Variants in CAPN8 observed in about 807,000 individuals in gnomAD.
The protein encoded by CAPN8 is calpain-8.
In CAPN8, 87 loss-of-function variants were observed where a neutral mutation model predicts 80.9. That is an observed-to-expected ratio of 1.07 (90% CI 0.90 to 1.28). The LOEUF (loss-of-function observed/expected upper bound fraction) is 1.28, where lower values mean the gene tolerates loss of function less well. Among genes scored for constraint, CAPN8 ranks in the 50% most tolerant of loss-of-function variants. The pLI is 0.00. For synonymous variants in CAPN8, 299 were observed against 273.8 expected, an observed-to-expected ratio of 1.09 and a Z score of -0.91; for missense variants, 757 against 702.0, an observed-to-expected ratio of 1.08 and a Z score of -0.89.
chr1:223,654,277 A>G, intron 2 of CAPN8, 53 bp downstream of exon 2: 1 of 1,451,740 alleles, frequency 6.9e-7, no homozygotes, highest in Non-Finnish European at 9.5e-7. Flanking sequence ...TACTCATGAC[A>G]CATACACACC....
intron 2 of CAPN8, among the ~76,000 whole-genome samples, chr1:223,629,760 C>T (rs1187356494): frequency 6.6e-6 from 1 of 152,230 alleles, no homozygotes; most frequent in East Asian, 1.9e-4. Context: ...TTGCATCTTT[C>T]TGGCCTGGTA....
At chr1:223,556,355 A>C (rs1228017606) in intron 13 of CAPN8, among the ~76,000 whole-genome samples, 1 of 152,122 alleles carries the variant, frequency 6.6e-6, no homozygotes, top group Non-Finnish European at 1.5e-5. Context: ...TAAAGAGAAA[A>C]AGCAGGGTCT....
intron 2 of CAPN8, among the ~76,000 whole-genome samples, chr1:223,637,686 C>T (rs540367948): frequency 6.6e-6 from 1 of 152,346 alleles, no homozygotes; most frequent in East Asian, 1.9e-4. Context: ...CTCACCAGCA[C>T]TTGCCAAGCA....
chr1:223,656,669 T>A (rs1158448536), intron 1 of CAPN8, among the ~76,000 whole-genome samples: 1 of 59,640 alleles, frequency 1.7e-5, no homozygotes, highest in East Asian at 8.0e-4. Flanking sequence ...ACGTTTTGGG[T>A]TTTTTTGTTT....
intron 1 of CAPN8, among the ~76,000 whole-genome samples, chr1:223,658,731 A>T (rs2102739422): frequency 6.6e-6 from 1 of 152,290 alleles, no homozygotes; most frequent in East Asian, 1.9e-4. Flanking sequence ...GTTTGAAACC[A>T]GGAGGCGGAG....
intron 11 of CAPN8, among the ~76,000 whole-genome samples, chr1:223,609,977 C>T (rs1432153490): frequency 3.9e-5 from 6 of 152,196 alleles, no homozygotes; most frequent in African/African-American, 9.6e-5. Context: ...CCTCAACAGG[C>T]GACGATGCTC....
At chr1:223,547,594 T>C (rs1431996535) in intron 16 of CAPN8, among the ~76,000 whole-genome samples, 1 of 152,232 alleles carries the variant, frequency 6.6e-6, no homozygotes, top group Non-Finnish European at 1.5e-5. Context: ...ATACTTTAAA[T>C]GAGTACGCTG....
chr1:223,624,291 T>C (rs940236562), intron 6 of CAPN8, among the ~76,000 whole-genome samples: 18 of 152,232 alleles, frequency 1.2e-4, no homozygotes, highest in African/African-American at 4.3e-4. Context: ...TGCATTTCCC[T>C]TTCTGCCTTG....
chr1:223,550,338 G>A (rs925291858), intron 15 of CAPN8, among the ~76,000 whole-genome samples: 1 of 152,148 alleles, frequency 6.6e-6, no homozygotes, highest in Non-Finnish European at 1.5e-5. Context: ...GCCCTGTCCT[G>A]CTGCAGTGAG....
chr1:223,545,478 G>A (rs1056101315), intron 16 of CAPN8, 179 bp from the exon 17 acceptor site: 9 of 984,444 alleles, frequency 9.1e-6, no homozygotes, highest in Admixed American at 5.4e-5. Context: ...AAAGTCAAAC[G>A]TGCACCAAGG....
chr1:223,630,191 A>G (rs1657732131), intron 2 of CAPN8, among the ~76,000 whole-genome samples: 2 of 151,912 alleles, frequency 1.3e-5, no homozygotes, highest in Admixed American at 6.6e-5. Context: ...GTCTGCCTGG[A>G]TCTTTCCCAA....
intron 1 of CAPN8, among the ~76,000 whole-genome samples, chr1:223,656,305 C>T (rs2102737410): frequency 6.6e-6 from 1 of 152,064 alleles, no homozygotes; most frequent in Admixed American, 6.6e-5. Context: ...TCCCTCTCTA[C>T]TAAAAATACA....
chr1:223,631,514 T>G (rs1389497840), intron 2 of CAPN8, among the ~76,000 whole-genome samples: 1 of 152,164 alleles, frequency 6.6e-6, no homozygotes, highest in Non-Finnish European at 1.5e-5. Context: ...TGACCTCTTC[T>G]TGCAAAGCAG....
intron 1 of CAPN8, among the ~76,000 whole-genome samples, chr1:223,661,552 C>T (rs1257085243): frequency 6.6e-6 from 1 of 152,060 alleles, no homozygotes; most frequent in African/African-American, 2.4e-5. Context: ...ATCACTTGAA[C>T]CCGAGGGGCA....
chr1:223,658,208 CTT>C (rs1658549496), intron 1 of CAPN8, among the ~76,000 whole-genome samples: 1 of 152,188 alleles, frequency 6.6e-6, no homozygotes, highest in Non-Finnish European at 1.5e-5. Context: ...TGAGCTGTAT[CTT>C]CAATTACCTG....
chr1:223,621,666 G>GGGA (rs1657396723), intron 7 of CAPN8, among the ~76,000 whole-genome samples: 1 of 152,126 alleles, frequency 6.6e-6, no homozygotes, highest in Non-Finnish European at 1.5e-5. Context: ...ACAACCTGAA[G>GGGA]GGAGTTACTG....
chr1:223,640,922 T>C (rs1398813351), intron 2 of CAPN8, among the ~76,000 whole-genome samples: 2 of 152,106 alleles, frequency 1.3e-5, no homozygotes, highest in Non-Finnish European at 2.9e-5. Flanking sequence ...CTCAATTCGA[T>C]GGATTTCATG....
At chr1:223,612,397 C>G (rs754415583) in intron 10 of CAPN8, 140 bp from the exon 11 acceptor site, 3 of 651,578 alleles carry the variant, frequency 4.6e-6, no homozygotes, top group Non-Finnish European at 6.5e-6. Context: ...AAGTGAGAAG[C>G]CAGTCAGCAT....
chr1:223,644,026 A>G (rs1658117746), intron 2 of CAPN8: 4 of 195,766 alleles, frequency 2.0e-5, no homozygotes, highest in Admixed American at 1.8e-4. Context: ...TCAAAACAAT[A>G]TGAATAAATG....
Sources: allele counts gnomAD v4.1 joint callset (sites outside exome capture counted in the v4.1 genomes callset), GRCh38; gene constraint gnomAD v4.1.1; transcripts MANE v1.5; gene names NCBI Gene and HGNC (gene_info 2026-07-23, HGNC 2026-07-21).